Variants in SYT16 observed in about 807,000 individuals in gnomAD.
The protein encoded by SYT16 is synaptotagmin 16.
SYT16 carries 42 observed loss-of-function variants against 61.4 expected under a neutral mutation model. That is an observed-to-expected ratio of 0.68 (90% CI 0.53 to 0.89). The LOEUF is 0.89. Ranked by LOEUF, SYT16 falls within the 40% of genes least tolerant of loss-of-function variation. The pLI, the probability that SYT16 is intolerant of heterozygous loss-of-function variation, is 0.00. For synonymous variants in SYT16, 314 were observed against 302.3 expected (o/e 1.04, Z -0.40); for missense variants, 804 against 807.3 (o/e 1.00, Z 0.05).
chr14:61,949,011 A>C (rs1359925654), intron 1 of SYT16, among the ~76,000 whole-genome samples: 1 of 152,176 alleles, frequency 6.6e-6, no homozygotes, highest in African/African-American at 2.4e-5. Flanking sequence ...TGAGTCATCT[A>C]CCTAGTAGAT....
chr14:62,079,960 C>T (rs576505108), intron 5 of SYT16, among the ~76,000 whole-genome samples: 2 of 152,266 alleles, frequency 1.3e-5, no homozygotes, highest in African/African-American at 4.8e-5. Context: ...TGGTCTAAGC[C>T]AGGTATTTTC....
chr14:61,887,011 A>T (rs1218087438), intron 1 of SYT16, among the ~76,000 whole-genome samples: 1 of 149,402 alleles, frequency 6.7e-6, no homozygotes, highest in African/African-American at 2.5e-5. Context: ...GAGAGCTGGG[A>T]TTACAGGCGT....
At chr14:62,075,604 T>TAAAAAAAAAA (rs376818967) in intron 5 of SYT16, among the ~76,000 whole-genome samples, 2 of 61,420 alleles carry the variant, frequency 3.3e-5, no homozygotes, top group African/African-American at 1.5e-4. Context: ...GGATGAACGG[T>TAAAAAAAAAA]AAAAAAAAAA....
chr14:62,033,179 A>G (rs1210347678), intron 3 of SYT16, among the ~76,000 whole-genome samples: 1 of 152,104 alleles, frequency 6.6e-6, no homozygotes, highest in African/African-American at 2.4e-5. Flanking sequence ...TAAAAACCAT[A>G]GGACAGTTGA....
chr14:61,880,356 G>A (rs1181709515), intron 1 of SYT16, among the ~76,000 whole-genome samples: 1 of 152,224 alleles, frequency 6.6e-6, no homozygotes, highest in Non-Finnish European at 1.5e-5. Context: ...TACTGTCTTA[G>A]TTGCTTTACA....
intron 1 of SYT16, among the ~76,000 whole-genome samples, chr14:61,879,583 C>T (rs142106457): frequency 1.3e-3 from 198 of 152,246 alleles, no homozygotes; most frequent in Non-Finnish European, 2.6e-3. Flanking sequence ...TCAACATCTT[C>T]GTTTTAAGGT....
At chr14:61,992,278 A>G (rs535590149) in intron 2 of SYT16, among the ~76,000 whole-genome samples, 15 of 152,238 alleles carry the variant, frequency 9.9e-5, no homozygotes, top group Admixed American at 2.0e-4. Flanking sequence ...GAAGTCAGGA[A>G]AGAGCACAGT....
At chr14:61,950,907 A>T (rs1487970808) in intron 1 of SYT16, among the ~76,000 whole-genome samples, 1 of 152,170 alleles carries the variant, frequency 6.6e-6, no homozygotes, top group East Asian at 1.9e-4. Flanking sequence ...TTCCCCCAGA[A>T]ATTAACTCTA....
At chr14:62,035,501 A>G (rs1483655581) in intron 3 of SYT16, among the ~76,000 whole-genome samples, 4 of 152,200 alleles carry the variant, frequency 2.6e-5, no homozygotes, top group Non-Finnish European at 4.4e-5. Flanking sequence ...TATATATTTA[A>G]TTCCATCAAA....
chr14:61,816,149 C>T (rs1430072182), intron 1 of SYT16, among the ~76,000 whole-genome samples: 1 of 152,164 alleles, frequency 6.6e-6, no homozygotes, highest in Non-Finnish European at 1.5e-5. Context: ...CCTGTTGCAT[C>T]CCAGGCTGAT....
chr14:62,090,681 CAA>C (rs2057041433), intron 7 of SYT16, among the ~76,000 whole-genome samples: 2 of 151,976 alleles, frequency 1.3e-5, no homozygotes, highest in Admixed American at 1.3e-4. Flanking sequence ...ATGATGATAT[CAA>C]AGTTAAAAAA....
At chr14:62,074,688 T>C (rs1214715707) in intron 4 of SYT16, among the ~76,000 whole-genome samples, 2 of 152,186 alleles carry the variant, frequency 1.3e-5, no homozygotes, top group Non-Finnish European at 2.9e-5. Context: ...GAGAACTTTT[T>C]ACTTGGTAGG....
intron 3 of SYT16, among the ~76,000 whole-genome samples, chr14:62,020,623 CG>C (rs566131200): frequency 8.1e-4 from 123 of 152,314 alleles, no homozygotes; most frequent in African/African-American, 2.6e-3. Context: ...CTCTCCAATT[CG>C]TTTTCACCAG....
In SYT16 at chr14:61,860,343, A is replaced by C. The variant is rs2046924806; in HGVS notation, c.-325+47533A>C. Among the ~76,000 whole-genome samples the C allele has an allele frequency of 2.6e-5, 4 of 152,258 alleles. No individual in the cohort carries two copies. The South Asian group carries it at 8.3e-4, about 31-fold the overall frequency. On this transcript the variant is annotated intron_variant, in intron 1 of 7. Coordinates refer to ENST00000683842, the MANE Select transcript of SYT16 (RefSeq NM_001367656.1). ...GAGTGTAGTAATAACCTTTGTAAAC[A>C]TCATTTGCATATCAGTAAGAACTGA...
intron 2 of SYT16, among the ~76,000 whole-genome samples, chr14:61,976,720 C>T (rs2051820805): frequency 1.3e-5 from 2 of 152,122 alleles, no homozygotes; most frequent in South Asian, 4.2e-4. Context: ...ATTTTGTCCT[C>T]CTAGGACTCT....
intron 2 of SYT16, among the ~76,000 whole-genome samples, chr14:61,981,562 C>G (rs2052078324): frequency 6.6e-6 from 1 of 152,202 alleles, no homozygotes; most frequent in Non-Finnish European, 1.5e-5. Flanking sequence ...AAATGATACT[C>G]TCTCGTCTCC....
At chr14:61,831,285 T>C (rs763778526) in intron 1 of SYT16, among the ~76,000 whole-genome samples, 4 of 152,240 alleles carry the variant, frequency 2.6e-5, no homozygotes, top group Admixed American at 2.0e-4. Flanking sequence ...TTTGTACTTA[T>C]TCCATCTTGT....
chr14:61,903,624 ATATT>A (rs1566666537), intron 1 of SYT16, among the ~76,000 whole-genome samples: 1 of 152,254 alleles, frequency 6.6e-6, no homozygotes, highest in East Asian at 1.9e-4. Context: ...GGCTTAATAA[ATATT>A]AAGTAGGTGC....
In SYT16 at chr14:62,043,553, G is replaced by A. The variant is rs369015337; in HGVS notation, c.524-26050G>A. Among the ~76,000 whole-genome samples, 72 of 151,794 alleles carry A rather than the reference G, an allele frequency of 4.7e-4. 2 individuals carry two copies. In the South Asian group the frequency reaches 0.013, roughly 27 times the overall value. ...CTCCTGAGTAGCTGGGACTACAGGCGCCCACCACCATGCCCAGCTAATTTT... is the reference window on the plus strand; with the variant it reads ...CTCCTGAGTAGCTGGGACTACAGGCACCCACCACCATGCCCAGCTAATTTT... On this transcript the variant is annotated intron_variant, in intron 3 of 7. Coordinates refer to ENST00000683842, the MANE Select transcript of SYT16 (RefSeq NM_001367656.1).
Sources: allele counts gnomAD v4.1 joint callset (sites outside exome capture counted in the v4.1 genomes callset), GRCh38; gene constraint gnomAD v4.1.1; transcripts MANE v1.5; gene names NCBI Gene and HGNC (gene_info 2026-07-23, HGNC 2026-07-21).